CHI3L2: variants seen among roughly 807,000 people sequenced by gnomAD.
The protein encoded by CHI3L2 is chitinase 3 like 2, also known as chitinase-3-like protein 2.
In CHI3L2, 47 loss-of-function variants were observed where a neutral mutation model predicts 47.3. The ratio of observed to expected loss-of-function variants is 0.99; its 90% confidence interval spans 0.79 to 1.27. The LOEUF (loss-of-function observed/expected upper bound fraction) is 1.27, where lower values mean the gene tolerates loss of function less well. CHI3L2 is among the 50% of genes most tolerant of loss of function. The pLI is 0.00. For synonymous variants in CHI3L2, 198 were observed against 169.9 expected (o/e 1.17, Z -1.28); for missense variants, 497 against 462.1 (o/e 1.08, Z -0.69).
chr1:111,227,827 G>A (rs1659570513), intron 1 of CHI3L2, 58 bp downstream of exon 1: 5 of 1,499,380 alleles, frequency 3.3e-6, no homozygotes, highest in Middle Eastern at 1.7e-4. Context: ...GAGGTAACAG[G>A]TCTGTAGAAG....
chr1:111,239,812 T>C (rs544737892), intron 8 of CHI3L2, among the ~76,000 whole-genome samples: 1 of 152,320 alleles, frequency 6.6e-6, no homozygotes, highest in South Asian at 2.1e-4. Flanking sequence ...CAGAAACTCT[T>C]TGGACACTCC....
rs185025917 is a variant in CHI3L2 at position 111,242,686 on chromosome 1, T to A, written c.*2+320T>A. 1.4e-3 allele frequency: 279 copies of A among 193,122 alleles called. 3 individuals carry two copies. The highest frequency in any genetic ancestry group is 3.9e-4 in the Non-Finnish European group (36 of 93,412). The allele number at this position is 193,122 out of a possible 1,614,324, so 12.0% of individuals were successfully genotyped here. ...TCTTGGTTACAAAATCATCAGCCTG[T>A]CTTAATTTTCTAAATCACAATAAAT... On this transcript the variant is annotated intron_variant, in intron 10 of 10. Coordinates refer to ENST00000369748, the MANE Select transcript of CHI3L2 (RefSeq NM_004000.3).
At chr1:111,239,112 G>A (rs946435092) in intron 8 of CHI3L2, among the ~76,000 whole-genome samples, 180 bp downstream of exon 8, 2 of 152,218 alleles carry the variant, frequency 1.3e-5, no homozygotes, top group African/African-American at 4.8e-5. Context: ...ATGCTTCCTG[G>A]AGGAAGTGAA....
intron 1 of CHI3L2, 104 bp downstream of exon 1, chr1:111,227,873 T>G: frequency 8.4e-7 from 1 of 1,188,558 alleles, no homozygotes; most frequent in Non-Finnish European, 1.2e-6. Flanking sequence ...CTTCAGTCTT[T>G]CCGTTGACCT....
intron 4 of CHI3L2, among the ~76,000 whole-genome samples, chr1:111,231,709 G>A (rs1659729081): frequency 6.6e-6 from 1 of 152,196 alleles, no homozygotes; most frequent in Non-Finnish European, 1.5e-5. Context: ...CCCCACCATG[G>A]CCCATAGCAG....
At chr1:111,230,536 G>A (rs1001536927) in intron 2 of CHI3L2, among the ~76,000 whole-genome samples, 3 of 152,132 alleles carry the variant, frequency 2.0e-5, no homozygotes, top group African/African-American at 7.2e-5. Context: ...TAACAGGTGT[G>A]AGCCACTGTG....
At chr1:111,233,235 G>A (rs897497086) in intron 4 of CHI3L2, among the ~76,000 whole-genome samples, 2 of 152,122 alleles carry the variant, frequency 1.3e-5, no homozygotes, top group South Asian at 2.1e-4. Context: ...CAGAAATCCC[G>A]GGGGTGGGGA....
In CHI3L2 at chr1:111,231,247, A is replaced by G; in HGVS notation, c.282A>G (p.Lys94=). Reference sequence around the variant, plus strand: ...TATTCTTCTACTTCAGGAATCCCAAACTGAAAATTCTCTTGTCCATTGGAG... The same window carrying G: ...TATTCTTCTACTTCAGGAATCCCAAGCTGAAAATTCTCTTGTCCATTGGAG... ...TINSLKTKNP[K]LKILLSIGGY... The change falls in exon 4 of 11, where the codon AAA becomes AAG. Residue 94 remains lysine (K), a synonymous_variant. Coordinates refer to ENST00000369748, the MANE Select transcript of CHI3L2 (RefSeq NM_004000.3). The G allele has an allele frequency of 6.2e-7, 1 of 1,610,992 alleles. No individual in the cohort carries two copies. Among genetic ancestry groups the G allele is most frequent in the Non-Finnish European group, 8.5e-7 (1 of 1,177,292 alleles).
intron 8 of CHI3L2, 60 bp from the exon 9 acceptor site, chr1:111,241,267 C>T: frequency 1.1e-6 from 1 of 941,950 alleles, no homozygotes; most frequent in Non-Finnish European, 1.8e-6. Flanking sequence ...CCCTGTCTAC[C>T]CCAACCAAGT....
chr1:111,242,207 T>C lies in CHI3L2; in HGVS notation c.1036-20T>C. 12 of 1,614,052 alleles carry C rather than the reference T, an allele frequency of 7.4e-6. No individual in the cohort carries two copies. Among genetic ancestry groups the C allele is most frequent in the African/African-American group, 1.3e-5 (1 of 75,046 alleles). ...GGGCCACCCTTCGAATCTCTGTGTA[T>C]CCTTCTGTGTCTCCCATAGGTTCAG... On this transcript the variant is annotated intron_variant, in intron 9 of 10. Coordinates refer to ENST00000369748, the MANE Select transcript of CHI3L2 (RefSeq NM_004000.3).
intron 7 of CHI3L2, among the ~76,000 whole-genome samples, chr1:111,236,552 A>G (rs1191572448): frequency 6.6e-6 from 1 of 152,190 alleles, no homozygotes; most frequent in Non-Finnish European, 1.5e-5. Flanking sequence ...TGGGTAGGAA[A>G]TGTTACTCCC....
intron 4 of CHI3L2, 165 bp downstream of exon 4, chr1:111,231,459 G>A (rs1659720025): frequency 8.6e-6 from 5 of 578,778 alleles, no homozygotes; most frequent in Admixed American, 3.3e-5. Context: ...AACAGCATTA[G>A]GTTTCCTGGG....
intron 2 of CHI3L2, among the ~76,000 whole-genome samples, chr1:111,230,455 T>C (rs757494392): frequency 6.6e-6 from 1 of 152,162 alleles, no homozygotes; most frequent in Admixed American, 6.5e-5. Flanking sequence ...GGTTTTGCTA[T>C]GTTGCCAGAG....
At position 111,230,791 on chromosome 1, in the gene CHI3L2, G is replaced by A; in HGVS notation, c.120G>A (p.Arg40=). Residue 40 remains arginine (R), a synonymous_variant, in exon 3 of 11, where the codon CGG becomes CGA. Coordinates refer to ENST00000369748, the MANE Select transcript of CHI3L2 (RefSeq NM_004000.3). ...VCYFTNWSQD[R]QEPGKFTPEN... ...ACTTTACCAACTGGTCCCAGGACCG[G>A]CAGGAACCAGGAAAATTCACCCCTG... The A allele has an allele frequency of 6.2e-7, 1 of 1,614,098 alleles. No homozygotes were observed. Among genetic ancestry groups the A allele is most frequent in the Non-Finnish European group, 8.5e-7 (1 of 1,180,020 alleles).
At position 111,231,277 on chromosome 1, in the gene CHI3L2, C is replaced by T; in HGVS notation, c.312C>T (p.Tyr104=). 2.5e-6 allele frequency: 4 copies of T among 1,610,768 alleles called. No homozygotes were observed. Among genetic ancestry groups the T allele is most frequent in the Non-Finnish European group, 3.4e-6 (4 of 1,177,162 alleles). The change falls in exon 4 of 11, where the codon TAC becomes TAT. Residue 104 remains tyrosine, a synonymous_variant. Transcript: ENST00000369748. ...AAATTCTCTTGTCCATTGGAGGGTA[C>T]CTGTTTGGTTCCAAAGGGTAAGACT... ...KLKILLSIGG[Y]LFGSKGFHPM... is the part of the protein sequence containing the mutation.
Position 111,242,344 on chromosome 1 carries a change from A to G in CHI3L2, c.1153A>G (p.Arg385Gly), listed in dbSNP as rs772904496. The G allele has an allele frequency of 1.2e-6, 2 of 1,611,160 alleles. No homozygotes were observed. The highest frequency in any genetic ancestry group is 1.3e-5 in the African/African-American group (1 of 74,804). Residue 385 changes from arginine (R) to glycine (G), a missense_variant, in exon 10 of 11, where the codon AGA becomes GGA. Physicochemically the swap from Arg to Gly is moderately radical, Grantham distance 125. Transcript: ENST00000369748. ...GPYPLVQAVKRSLGSL is the reference protein window; with the variant it reads ...GPYPLVQAVKGSLGSL ...TTACCCTCTTGTCCAAGCAGTCAAGAGAAGCCTTGGCTCCCTGTGAAGGTA... is the reference window on the plus strand; with the variant it reads ...TTACCCTCTTGTCCAAGCAGTCAAGGGAAGCCTTGGCTCCCTGTGAAGGTA...
intron 4 of CHI3L2, among the ~76,000 whole-genome samples, chr1:111,233,579 CA>C (rs1326304476): frequency 1.3e-5 from 2 of 152,024 alleles, no homozygotes; most frequent in Non-Finnish European, 2.9e-5. Flanking sequence ...GGGGGGTCAG[CA>C]CCCCGCCCGG....
chr1:111,229,327 T>C (rs1331462142), intron 1 of CHI3L2, among the ~76,000 whole-genome samples: 3 of 152,140 alleles, frequency 2.0e-5, no homozygotes, highest in Non-Finnish European at 4.4e-5. Flanking sequence ...GCTTGGAACA[T>C]GTTTCTGCCT....
chr1:111,236,063 T>C lies in CHI3L2; in HGVS notation c.645T>C (p.His215=), dbSNP rs371026442. 8 of 1,614,132 alleles carry C rather than the reference T, an allele frequency of 5.0e-6. No homozygotes were observed. The highest frequency in any genetic ancestry group is 2.2e-5 in the East Asian group (1 of 44,898). ...TCAACCTCCTGTCCTTTGACTTCCA[T>C]GGGTCTTGGGAAAAGCCCCTTATCA... ...DFINLLSFDF[H]GSWEKPLITG... The change falls in exon 7 of 11, where the codon CAT becomes CAC. Residue 215 remains histidine, a synonymous_variant. Transcript: ENST00000369748.
Sources: gnomAD v4.1 joint callset for allele counts (sites outside exome capture counted in the v4.1 genomes callset) on GRCh38, gnomAD v4.1.1 for gene constraint, MANE v1.5 for transcripts, NCBI Gene and HGNC (gene_info 2026-07-23, HGNC 2026-07-21) for gene names.